Variants in FARP1 observed in about 807,000 individuals in gnomAD.
The protein encoded by FARP1 is FERM, ARH/RhoGEF and pleckstrin domain protein 1, also known as FERM, ARHGEF and pleckstrin domain-containing protein 1.
A neutral mutation model predicts 128.8 loss-of-function variants in FARP1; 52 were observed. The observed-to-expected ratio is 0.40, with a 90% CI of 0.32 to 0.51. FARP1 has a LOEUF of 0.51. Ranked by LOEUF, FARP1 falls within the 20% of genes least tolerant of loss-of-function variation. The pLI is 0.45. For missense variants in FARP1, 1,333 were observed against 1,367.9 expected, an observed-to-expected ratio of 0.97 and a Z score of 0.40; for synonymous variants, 580 against 551.8, an observed-to-expected ratio of 1.05 and a Z score of -0.72.
Position 98,393,733 on chromosome 13 carries a change from T to A in FARP1, c.1164+15T>A. The A allele has an allele frequency of 6.2e-7, 1 of 1,602,268 alleles. No homozygotes were observed. The highest frequency in any genetic ancestry group is 1.1e-5 in the South Asian group (1 of 90,526). On this transcript the variant is annotated intron_variant, in intron 12 of 26. Coordinates refer to ENST00000319562, the MANE Select transcript of FARP1 (RefSeq NM_005766.4). ...TGCTGGAGCAGGTCAGTGATGGCGC[T>A]GTCCTATGATAACTCTGCTTTTCCC...
chr13:98,216,151 C>T (rs142112665), intron 2 of FARP1, among the ~76,000 whole-genome samples: 260 of 152,278 alleles, frequency 1.7e-3, no homozygotes, highest in Middle Eastern at 0.014. Flanking sequence ...CAGATGTATT[C>T]CTTAACTGGC....
rs1371128259 is a variant in FARP1, at chr13:98,440,810, A to G, written c.2770A>G (p.Met924Val). The change falls in exon 24 of 27, where the codon ATG (methionine) becomes GTG (valine). Residue 924 changes from methionine (M) to valine (V), a missense_variant. This residue lies in a region of FARP1 where 1,009 missense variants were observed against 969.8 expected (regional missense o/e 1.04). Coordinates refer to ENST00000319562, the MANE Select transcript of FARP1 (RefSeq NM_005766.4). Reference protein sequence around the residue: ...VCWHRNTSVSMVDFSIAVENQ... With the variant: ...VCWHRNTSVSVVDFSIAVENQ... ...CTGGCACCGCAACACCAGCGTCTCC[A>G]TGGTGGACTTCAGCATCGCAGTGGA... is the stretch of plus-strand genomic sequence containing the variant. 2 of 1,611,186 alleles carry G rather than the reference A, an allele frequency of 1.2e-6. No homozygotes were observed. Among genetic ancestry groups the G allele is most frequent in the Non-Finnish European group, 8.5e-7 (1 of 1,179,186 alleles).
intron 1 of FARP1, chr13:98,177,806 C>G (rs1423412342): frequency 3.9e-5 from 6 of 152,122 alleles, no homozygotes; most frequent in Admixed American, 1.3e-4. Context: ...TAAAAGGCCA[C>G]GGGTGGAATC....
chr13:98,243,771 C>T (rs974852078), intron 2 of FARP1, among the ~76,000 whole-genome samples: 3 of 149,618 alleles, frequency 2.0e-5, no homozygotes, highest in African/African-American at 7.4e-5. Flanking sequence ...TTTTTTCCAG[C>T]AGGGTTAAAG....
rs1248284763 is a variant in FARP1 at position 98,448,560 on chromosome 13, A to AAAAC, written c.*245_*248dup. 3.9e-6 allele frequency: 2 copies of AAAAC among 515,842 alleles called. No homozygotes were observed. Among genetic ancestry groups the AAAAC allele is most frequent in the Admixed American group, 7.0e-5 (2 of 28,548 alleles). The allele number at this position is 515,842 out of a possible 1,614,324, so 32.0% of individuals were successfully genotyped here. A position where few individuals can be genotyped will look rare whatever the true frequency, so the allele number is the denominator to read the frequency against. ...CTGTTCTTTAGCTAGTGCCAGTATT[A>AAAAC]AAACATTGTCATTACGAGAGTGCCA... On this transcript the variant is annotated 3_prime_UTR_variant, in exon 27 of 27. Transcript: ENST00000319562.
At chr13:98,394,534 G>A (rs1890439526) in intron 12 of FARP1, among the ~76,000 whole-genome samples, 1 of 152,220 alleles carries the variant, frequency 6.6e-6, no homozygotes, top group Non-Finnish European at 1.5e-5. Context: ...GGACGTGGTG[G>A]CTGGCGCCTG....
rs76684581 is a variant in FARP1, at chr13:98,158,819, T to C, written c.-24+15327T>C. On this transcript the variant is annotated intron_variant, in intron 1 of 26. Coordinates refer to ENST00000319562, the MANE Select transcript of FARP1 (RefSeq NM_005766.4). ...TGTTAGGAAAGAAAATTCTGAGAAA[T>C]GCAGAGGTGGTTGTGTCTTCCGTCT... Among the ~76,000 whole-genome samples the C allele has an allele frequency of 5.8e-3, 881 of 152,184 alleles. 6 individuals carry two copies. The highest frequency in any genetic ancestry group is 0.02 in the African/African-American group (847 of 41,500).
chr13:98,163,328 G>T (rs540887971), intron 1 of FARP1, among the ~76,000 whole-genome samples: 1 of 152,268 alleles, frequency 6.6e-6, no homozygotes, highest in African/African-American at 2.4e-5. Context: ...GGAGAAGGGT[G>T]GCAGGAGGGG....
chr13:98,412,651 C>T (rs1891235070), intron 16 of FARP1, among the ~76,000 whole-genome samples: 1 of 152,154 alleles, frequency 6.6e-6, no homozygotes. Flanking sequence ...TATCTTAAGC[C>T]TGTCCATTAA....
chr13:98,448,038 G>C (rs1190333062), intron 26 of FARP1, 198 bp from the exon 27 acceptor site: 15 of 602,184 alleles, frequency 2.5e-5, no homozygotes, highest in Non-Finnish European at 3.9e-5. Context: ...TCCACACTGA[G>C]TGAGTGCCCA....
intron 2 of FARP1, among the ~76,000 whole-genome samples, chr13:98,319,991 T>C (rs1040274528): frequency 6.6e-6 from 1 of 152,144 alleles, no homozygotes; most frequent in African/African-American, 2.4e-5. Context: ...ATCCTCACAT[T>C]ATGGGGGTGT....
intron 4 of FARP1, among the ~76,000 whole-genome samples, chr13:98,366,403 T>G (rs972011187): frequency 1.3e-5 from 2 of 152,210 alleles, no homozygotes. Flanking sequence ...ATTTGCTGGG[T>G]GTCCTGAGCA....
At position 98,173,016 on chromosome 13, in the gene FARP1, C is replaced by G. The variant is rs538964618; in HGVS notation, c.-24+29524C>G. ...TGCAGTAGATAAGTGGGGAAATACGCATTCTGGTTGCTTCATAAATAATAG... is the reference window on the plus strand; with the variant it reads ...TGCAGTAGATAAGTGGGGAAATACGGATTCTGGTTGCTTCATAAATAATAG... On this transcript the variant is annotated intron_variant, in intron 1 of 26. Coordinates refer to ENST00000319562, the MANE Select transcript of FARP1 (RefSeq NM_005766.4). 2.0e-5 allele frequency among the ~76,000 whole-genome samples: 3 copies of G among 152,286 alleles called. No individual in the cohort carries two copies. In the East Asian group the frequency reaches 5.8e-4, roughly 29 times the overall value.
At chr13:98,238,803 C>G (rs1052265824) in intron 2 of FARP1, among the ~76,000 whole-genome samples, 5 of 152,062 alleles carry the variant, frequency 3.3e-5, no homozygotes, top group African/African-American at 4.8e-5. Context: ...CATTGACTGG[C>G]TATGTTACTG....
At chr13:98,435,313 T>G in intron 18 of FARP1, 1 of 287,208 alleles carries the variant, frequency 3.5e-6, no homozygotes, top group Non-Finnish European at 6.5e-6. Context: ...AGCCAACAGG[T>G]CCGTCTAATT....
intron 1 of FARP1, among the ~76,000 whole-genome samples, chr13:98,197,999 A>T (rs1879686699): frequency 6.6e-6 from 1 of 152,178 alleles, no homozygotes; most frequent in Admixed American, 6.5e-5. Context: ...AACAAACAAT[A>T]ATTCTTTACA....
intron 2 of FARP1, chr13:98,244,372 A>G (rs1882943517): frequency 1.2e-6 from 1 of 808,050 alleles, no homozygotes; most frequent in Non-Finnish European, 1.9e-6. Flanking sequence ...AGTCAAGGTA[A>G]TAAACATATC....
chr13:98,440,582 C>A, intron 23 of FARP1, 88 bp from the exon 24 acceptor site: 1 of 1,377,796 alleles, frequency 7.3e-7, no homozygotes, highest in Non-Finnish European at 9.9e-7. Flanking sequence ...CTGCTGTGAG[C>A]CCCCCAACCT....
At chr13:98,266,941 G>A (rs1884145490) in intron 2 of FARP1, among the ~76,000 whole-genome samples, 1 of 151,008 alleles carries the variant, frequency 6.6e-6, no homozygotes, top group Admixed American at 6.6e-5. Context: ...TTGAACCTGG[G>A]AGGTGGAGGT....
Sources: gnomAD v4.1 joint callset for allele counts (sites outside exome capture counted in the v4.1 genomes callset) on GRCh38, gnomAD v4.1.1 for gene constraint, gnomAD v4.1.1 regional missense constraint, MANE v1.5 for transcripts, NCBI Gene and HGNC (gene_info 2026-07-23, HGNC 2026-07-21) for gene names.